Variants in PSPC1 observed in about 807,000 individuals in gnomAD.
PSPC1 encodes the protein paraspeckle protein 1.
In PSPC1, 14 loss-of-function variants were observed where a neutral mutation model predicts 51.6. The ratio of observed to expected loss-of-function variants is 0.27; its 90% CI spans 0.18 to 0.42. PSPC1 has a LOEUF of 0.42. PSPC1 is among the 10% of genes least tolerant of loss of function. PSPC1 has a pLI of 1.00. For synonymous variants in PSPC1, 193 were observed against 231.9 expected (o/e 0.83, Z 1.53); for missense variants, 406 against 701.1 (o/e 0.58, Z 4.75).
At chr13:19,690,712 C>A (rs1202418313) in intron 6 of PSPC1, among the ~76,000 whole-genome samples, 1 of 152,074 alleles carries the variant, frequency 6.6e-6, no homozygotes, top group Non-Finnish European at 1.5e-5. Context: ...ATCGTTGAAC[C>A]AAGTCTTCTC....
downstream of PSPC1, chr13:19,671,938 G>A (rs1304116197): frequency 7.2e-6 from 11 of 1,527,526 alleles, no homozygotes; most frequent in East Asian, 2.5e-4. Context: ...TTTGACAGCA[G>A]TTTGGAATTC....
intron 6 of PSPC1, among the ~76,000 whole-genome samples, chr13:19,696,880 T>A (rs1018499751): frequency 6.6e-6 from 1 of 152,244 alleles, no homozygotes; most frequent in Non-Finnish European, 1.5e-5. Flanking sequence ...ACATACCCTC[T>A]TCATTTGAAT....
At chr13:19,673,536 TC>T (rs1289701801), downstream of PSPC1, 3 of 185,104 alleles carry the variant, frequency 1.6e-5, no homozygotes, top group Non-Finnish European at 3.4e-5. Context: ...TTGGACTTTT[TC>T]AACTAAATTG....
chr13:19,770,896 C>CAA (rs369598478), intron 2 of PSPC1, among the ~76,000 whole-genome samples: 14 of 121,478 alleles, frequency 1.2e-4, no homozygotes, highest in Admixed American at 5.1e-4. Context: ...GACTCGTCTC[C>CAA]AAAAAAAAAA....
At chr13:19,700,505 C>A (rs1565971528), downstream of PSPC1, among the ~76,000 whole-genome samples, 1 of 151,708 alleles carries the variant, frequency 6.6e-6, no homozygotes, top group Non-Finnish European at 1.5e-5. Context: ...TGCAAAAACA[C>A]AAGTGAATCA....
chr13:19,738,780 G>T (rs567460698), intron 5 of PSPC1, among the ~76,000 whole-genome samples: 6 of 151,888 alleles, frequency 4.0e-5, no homozygotes, highest in African/African-American at 1.5e-4. Flanking sequence ...GGTGGCACGC[G>T]TCTATAGTCC....
chr13:19,769,607 T>C (rs1888430282), intron 2 of PSPC1, among the ~76,000 whole-genome samples: 1 of 150,964 alleles, frequency 6.6e-6, no homozygotes, highest in South Asian at 2.1e-4. Flanking sequence ...TGGTGGCGCA[T>C]GCCTGTAATC....
intron 2 of PSPC1, among the ~76,000 whole-genome samples, chr13:19,764,476 T>G (rs1041210961): frequency 6.6e-6 from 1 of 152,006 alleles, no homozygotes; most frequent in Non-Finnish European, 1.5e-5. Context: ...GTGGCTGATC[T>G]TTTCTTAGAA....
At chr13:19,723,558 C>T (rs1204338556) in intron 6 of PSPC1, among the ~76,000 whole-genome samples, 1 of 152,124 alleles carries the variant, frequency 6.6e-6, no homozygotes, top group Non-Finnish European at 1.5e-5. Context: ...TACGGTTTCC[C>T]ACACATCATT....
At chr13:19,734,460 G>A (rs1165087185) in intron 5 of PSPC1, among the ~76,000 whole-genome samples, 1 of 152,156 alleles carries the variant, frequency 6.6e-6, no homozygotes. Flanking sequence ...CCAACACAGA[G>A]CCCAAGACAG....
chr13:19,760,410 C>T (rs1462112825), intron 2 of PSPC1, among the ~76,000 whole-genome samples: 1 of 151,910 alleles, frequency 6.6e-6, no homozygotes. Flanking sequence ...CGCCTGTAGT[C>T]CCAGCTACTC....
intron 4 of PSPC1, among the ~76,000 whole-genome samples, chr13:19,745,070 C>A (rs1051717996): frequency 2.0e-5 from 3 of 152,162 alleles, no homozygotes; most frequent in Non-Finnish European, 2.9e-5. Flanking sequence ...GTAATCCCAG[C>A]ACTTTGGGAG....
rs980768203 is a variant in PSPC1 at position 19,724,816 on chromosome 13, T to C, written c.1158+5423A>G. Among the ~76,000 whole-genome samples the C allele has an allele frequency of 2.0e-5, 3 of 152,166 alleles. No homozygotes were observed. In the East Asian group the frequency reaches 5.8e-4, roughly 30 times the overall value. ...GAGATCGAGACCATCCTGGCCAACA[T>C]GGTGAAACCACATCTCTACTAAAAA... is the stretch of plus-strand genomic sequence containing the variant. On this transcript the variant is annotated intron_variant, in intron 6 of 8. Coordinates refer to ENST00000338910, the MANE Select transcript of PSPC1 (RefSeq NM_001354909.2).
intron 7 of PSPC1, among the ~76,000 whole-genome samples, chr13:19,707,104 A>G (rs368041550): frequency 6.6e-6 from 1 of 152,088 alleles, no homozygotes; most frequent in African/African-American, 2.4e-5. Flanking sequence ...CCAGAAAACA[A>G]ACTAAGTTTC....
chr13:19,712,124 G>T (rs539389868), intron 6 of PSPC1, among the ~76,000 whole-genome samples: 1 of 152,252 alleles, frequency 6.6e-6, no homozygotes, highest in African/African-American at 2.4e-5. Flanking sequence ...ACATTTCGTT[G>T]TTCAGAAGCT....
chr13:19,708,650 C>T (rs917076033), intron 7 of PSPC1, among the ~76,000 whole-genome samples: 3 of 152,308 alleles, frequency 2.0e-5, no homozygotes, highest in Middle Eastern at 6.8e-3. Context: ...TGGCGACACA[C>T]ATAATTCCCT....
At chr13:19,687,981 GTGGGCCCACTC>G (rs1304039995) in intron 6 of PSPC1, among the ~76,000 whole-genome samples, 1 of 151,774 alleles carries the variant, frequency 6.6e-6, no homozygotes, top group Non-Finnish European at 1.5e-5. Flanking sequence ...TTTGCTCACG[GTGGGCCCACTC>G]TGATCGTATC....
chr13:19,676,268 T>C (rs1429566305), intron 7 of PSPC1, among the ~76,000 whole-genome samples: 2 of 152,180 alleles, frequency 1.3e-5, no homozygotes, highest in African/African-American at 2.4e-5. Context: ...AAAATCTCCA[T>C]AGACTAGAAA....
chr13:19,704,902 A>T (rs996595137), intron 8 of PSPC1, among the ~76,000 whole-genome samples: 1 of 152,176 alleles, frequency 6.6e-6, no homozygotes, highest in East Asian at 1.9e-4. Context: ...AATACACAAA[A>T]ACTTTAATGT....
Sources: gnomAD v4.1 joint callset for allele counts (sites outside exome capture counted in the v4.1 genomes callset) on GRCh38, gnomAD v4.1.1 for gene constraint, MANE v1.5 for transcripts, NCBI Gene and HGNC (gene_info 2026-07-23, HGNC 2026-07-21) for gene names.